The following SCRN1 variants were observed in gnomAD, a reference collection of about 807,000 sequenced individuals.
The protein encoded by SCRN1 is secernin 1.
SCRN1 carries 19 observed loss-of-function variants against 43.3 expected under a neutral mutation model. The ratio of observed to expected loss-of-function variants is 0.44; its 90% CI spans 0.31 to 0.64. The LOEUF is 0.64. Among genes scored for constraint, SCRN1 ranks in the 30% least tolerant of loss-of-function variants. The pLI is 0.09. For missense variants in SCRN1, 447 were observed against 524.1 expected (o/e 0.85, Z 1.44); for synonymous variants, 183 against 188.9 (o/e 0.97, Z 0.26).
chr7:29,969,327 G>C, intron 1 of SCRN1: 2 of 472,908 alleles, frequency 4.2e-6, no homozygotes, highest in Non-Finnish European at 7.7e-6. Context: ...GCAGCCAAAA[G>C]TGCAGTGATG....
At position 29,921,621 on chromosome 7, in the gene SCRN1, G is replaced by C. The variant is rs2128084286; in HGVS notation, c.*2336C>G. 1 of 152,350 alleles carries C rather than the reference G, an allele frequency of 6.6e-6. No homozygotes were observed. The allele number at this position is 152,350 out of a possible 1,614,324, so 9.4% of individuals were successfully genotyped here. On this transcript the variant is annotated 3_prime_UTR_variant, in exon 8 of 8. Coordinates refer to ENST00000242059, the MANE Select transcript of SCRN1 (RefSeq NM_014766.5). Reference sequence around the variant, plus strand: ...TTGCCAGGCTGTACCATGCCCTCTAGTGGTAGGACTAGGACATCACAATTG... The same window carrying C: ...TTGCCAGGCTGTACCATGCCCTCTACTGGTAGGACTAGGACATCACAATTG...
chr7:29,970,273 A>G (rs1437244865), intron 1 of SCRN1, among the ~76,000 whole-genome samples: 1 of 151,910 alleles, frequency 6.6e-6, no homozygotes, highest in Non-Finnish European at 1.5e-5. Flanking sequence ...TCACCCCTCC[A>G]CTCTCACAAT....
chr7:29,980,029 A>T (rs1788950302), intron 1 of SCRN1, among the ~76,000 whole-genome samples: 1 of 152,202 alleles, frequency 6.6e-6, no homozygotes, highest in Non-Finnish European at 1.5e-5. Flanking sequence ...ATGGCTTTTT[A>T]AAAAAGTCAG....
At chr7:29,971,649 A>AC (rs1308195733) in intron 1 of SCRN1, among the ~76,000 whole-genome samples, 2 of 152,132 alleles carry the variant, frequency 1.3e-5, no homozygotes, top group African/African-American at 4.8e-5. Context: ...AAAAAAAAAA[A>AC]AACTTTATTT....
chr7:29,969,312 C>T, intron 1 of SCRN1: 1 of 503,276 alleles, frequency 2.0e-6, no homozygotes, highest in Non-Finnish European at 3.6e-6. Context: ...CAACAAACCA[C>T]AGCGGCAGCC....
At chr7:29,933,341 T>C (rs1787223056) in intron 6 of SCRN1, among the ~76,000 whole-genome samples, 1 of 152,184 alleles carries the variant, frequency 6.6e-6, no homozygotes, top group African/African-American at 2.4e-5. Context: ...AAGGGGCCAA[T>C]GACATCACCA....
chr7:29,939,768 T>G (rs534190078), intron 5 of SCRN1, among the ~76,000 whole-genome samples: 1 of 152,146 alleles, frequency 6.6e-6, no homozygotes, highest in Non-Finnish European at 1.5e-5. Context: ...ATGACTGTTG[T>G]GGGTTTTCTG....
intron 2 of SCRN1, among the ~76,000 whole-genome samples, chr7:29,959,163 C>T (rs560885694): frequency 5.9e-5 from 9 of 152,172 alleles, no homozygotes; most frequent in South Asian, 2.1e-4. Flanking sequence ...ACACAATAGA[C>T]GTTTCAATTA....
At chr7:29,961,424 T>C (rs1175074882) in intron 2 of SCRN1, among the ~76,000 whole-genome samples, 3 of 128,830 alleles carry the variant, frequency 2.3e-5, no homozygotes, top group Non-Finnish European at 3.3e-5. Flanking sequence ...GGCAGAAGAA[T>C]TTTTCTTAGT....
chr7:29,947,156 G>A (rs1236534712), intron 3 of SCRN1: 8 of 1,542,692 alleles, frequency 5.2e-6, no homozygotes, highest in Admixed American at 2.0e-5. Flanking sequence ...TGTGCAGTTC[G>A]AATTCTTCCA....
In SCRN1 at chr7:29,923,631, T is replaced by C. The variant is rs17158488; in HGVS notation, c.*326A>G. The C allele has an allele frequency of 0.053, 10,330 of 195,488 alleles. 345 individuals are homozygous for C. The highest frequency in any genetic ancestry group is 0.092 in the African/African-American group (3,971 of 43,046). 12.1% of individuals were successfully genotyped at this position (195,488 alleles called of 1,614,324 possible). A position where few individuals can be genotyped will look rare whatever the true frequency, so the allele number is the denominator to read the frequency against. On this transcript the variant is annotated 3_prime_UTR_variant, in exon 8 of 8. Transcript: ENST00000242059. Reference sequence around the variant, plus strand: ...CACTGTGAAGCCTGCCTTTCAAGGCTTGATGAACTCTAGTCCTCTTGTAAA... The same window carrying C: ...CACTGTGAAGCCTGCCTTTCAAGGCCTGATGAACTCTAGTCCTCTTGTAAA...
intron 3 of SCRN1, 39 bp from the exon 4 acceptor site, chr7:29,944,218 A>G: frequency 6.3e-7 from 1 of 1,586,946 alleles, no homozygotes; most frequent in Non-Finnish European, 8.7e-7. Flanking sequence ...CAGTCATTTC[A>G]TACCACAGGA....
chr7:29,939,375 G>A (rs1471225932), intron 5 of SCRN1, among the ~76,000 whole-genome samples: 1 of 151,968 alleles, frequency 6.6e-6, no homozygotes, highest in Non-Finnish European at 1.5e-5. Flanking sequence ...ACCACATCTG[G>A]CTAATTTTAT....
intron 3 of SCRN1, among the ~76,000 whole-genome samples, chr7:29,944,481 C>T (rs1388179815): frequency 1.3e-5 from 2 of 151,862 alleles, no homozygotes; most frequent in African/African-American, 4.8e-5. Context: ...GGCAACATAG[C>T]GAGACCTCTT....
At position 29,920,273 on chromosome 7, in the gene SCRN1, T is replaced by G. The variant is rs1009171497; in HGVS notation, c.*3684A>C. The G allele has an allele frequency of 6.6e-6, 1 of 152,456 alleles. No individual in the cohort carries two copies. Among genetic ancestry groups the G allele is most frequent in the Non-Finnish European group, 1.5e-5 (1 of 68,032 alleles). 9.4% of individuals were successfully genotyped at this position (152,456 alleles called of 1,614,324 possible). On this transcript the variant is annotated 3_prime_UTR_variant, in exon 8 of 8. Transcript: ENST00000242059. ...AAACAGAATGATTTTCTTTTTTTTT[T>G]ATTATTATTCCCTGCCAATAGCATT...
rs748040658 is a variant in SCRN1, at chr7:29,921,026, G to C, written c.*2931C>G. 67 of 152,722 alleles carry C rather than the reference G, an allele frequency of 4.4e-4. No homozygotes were observed. The highest frequency in any genetic ancestry group is 2.9e-4 in the Non-Finnish European group (20 of 68,032). 9.5% of individuals were successfully genotyped at this position (152,722 alleles called of 1,614,324 possible). A position where few individuals can be genotyped will look rare whatever the true frequency, so the allele number is the denominator to read the frequency against. ...CTGCTTTGCTAATTTACTCCTGCCAGAGCTTCTGTCCTTGAATATGAGGGC... is the reference window on the plus strand; with the variant it reads ...CTGCTTTGCTAATTTACTCCTGCCACAGCTTCTGTCCTTGAATATGAGGGC... On this transcript the variant is annotated 3_prime_UTR_variant, in exon 8 of 8. Transcript: ENST00000242059.
chr7:29,988,639 C>G (rs780177509), intron 1 of SCRN1: 1 of 151,632 alleles, frequency 6.6e-6, no homozygotes, highest in Non-Finnish European at 1.5e-5. Context: ...GAACACAACA[C>G]GCGCACACGC....
In SCRN1 at chr7:29,922,863, T is replaced by C. The variant is rs1215718461; in HGVS notation, c.*1094A>G. The C allele has an allele frequency of 6.6e-6, 1 of 152,278 alleles. No homozygotes were observed. The highest frequency in any genetic ancestry group is 1.5e-5 in the Non-Finnish European group (1 of 68,072). The allele number at this position is 152,278 out of a possible 1,614,324, so 9.4% of individuals were successfully genotyped here. A position where few individuals can be genotyped will look rare whatever the true frequency, so the allele number is the denominator to read the frequency against. ...CTAAGCCCATCTGGTCTTCCTTGCA[T>C]GCTTTTCTATGCTCTGGTGGTAAGT... On this transcript the variant is annotated 3_prime_UTR_variant, in exon 8 of 8. Coordinates refer to ENST00000242059, the MANE Select transcript of SCRN1 (RefSeq NM_014766.5).
intron 1 of SCRN1, among the ~76,000 whole-genome samples, chr7:29,980,697 T>G (rs1358135710): frequency 6.6e-6 from 1 of 152,220 alleles, no homozygotes; most frequent in Non-Finnish European, 1.5e-5. Flanking sequence ...AAAGTGGAAT[T>G]TAAAACTACT....
Sources: gnomAD v4.1 joint callset for allele counts (sites outside exome capture counted in the v4.1 genomes callset) on GRCh38, gnomAD v4.1.1 for gene constraint, MANE v1.5 for transcripts, NCBI Gene and HGNC (gene_info 2026-07-23, HGNC 2026-07-21) for gene names.